Variants in GRM5 observed in about 807,000 individuals in gnomAD.
GRM5 encodes metabotropic glutamate receptor 5.
Under a neutral mutation model 83.1 loss-of-function variants are expected in GRM5, and 19 were observed. That is an observed-to-expected ratio of 0.23 (90% CI 0.16 to 0.34). The LOEUF is 0.34. GRM5 is among the 10% of genes least tolerant of loss of function. The pLI, the probability that GRM5 is intolerant of heterozygous loss-of-function variation, is 1.00. For missense variants in GRM5, 1,160 were observed against 1,588.3 expected, an observed-to-expected ratio of 0.73 and a Z score of 4.58; for synonymous variants, 675 against 633.6, an observed-to-expected ratio of 1.07 and a Z score of -0.98.
chr11:88,526,347 G>A (rs1941877497), intron 8 of GRM5, among the ~76,000 whole-genome samples: 1 of 152,096 alleles, frequency 6.6e-6, no homozygotes, highest in Non-Finnish European at 1.5e-5. Context: ...TCATTGGTTC[G>A]ATTCTGTAAG....
At chr11:88,996,758 C>T (rs1940197936) in intron 2 of GRM5, among the ~76,000 whole-genome samples, 1 of 152,116 alleles carries the variant, frequency 6.6e-6, no homozygotes, top group Non-Finnish European at 1.5e-5. Flanking sequence ...AGAAAACAAA[C>T]CACAACAAAC....
At chr11:88,924,684 T>C (rs957475064) in intron 2 of GRM5, among the ~76,000 whole-genome samples, 1 of 151,948 alleles carries the variant, frequency 6.6e-6, no homozygotes, top group Non-Finnish European at 1.5e-5. Flanking sequence ...AAGTCAAAAA[T>C]GTACAAACTT....
intron 8 of GRM5, among the ~76,000 whole-genome samples, chr11:88,549,237 G>T (rs1942449520): frequency 6.6e-6 from 1 of 152,090 alleles, no homozygotes; most frequent in Non-Finnish European, 1.5e-5. Flanking sequence ...ACCAGGGAGG[G>T]TGGATTTCTT....
intron 2 of GRM5, among the ~76,000 whole-genome samples, chr11:88,965,487 G>C (rs1379719616): frequency 2.0e-5 from 3 of 152,016 alleles, no homozygotes; most frequent in African/African-American, 7.2e-5. Context: ...ATATTAATTT[G>C]GGTTGACATA....
At chr11:88,893,230 A>G (rs1291669948) in intron 2 of GRM5, among the ~76,000 whole-genome samples, 1 of 151,978 alleles carries the variant, frequency 6.6e-6, no homozygotes, top group Admixed American at 6.6e-5. Flanking sequence ...TGGTAATGTC[A>G]CACCCTGGCT....
intron 3 of GRM5, among the ~76,000 whole-genome samples, chr11:88,777,646 A>T (rs555385322): frequency 8.6e-5 from 13 of 150,902 alleles, no homozygotes; most frequent in Non-Finnish European, 1.8e-4. Context: ...GTTGATGTTG[A>T]TGCTATTTCT....
At chr11:88,826,528 G>C (rs1430755514) in intron 3 of GRM5, among the ~76,000 whole-genome samples, 2 of 151,702 alleles carry the variant, frequency 1.3e-5, no homozygotes, top group East Asian at 3.9e-4. Context: ...AGGGCCAATG[G>C]ACCAGCATCT....
At chr11:88,887,856 TGCAAGC>T (rs1945072271) in intron 2 of GRM5, among the ~76,000 whole-genome samples, 2 of 152,088 alleles carry the variant, frequency 1.3e-5, no homozygotes, top group Non-Finnish European at 2.9e-5. Context: ...ACTAGATCCT[TGCAAGC>T]ACTGCAAAAT....
At chr11:88,642,635 G>A (rs1281281759) in intron 4 of GRM5, among the ~76,000 whole-genome samples, 1 of 152,104 alleles carries the variant, frequency 6.6e-6, no homozygotes, top group Non-Finnish European at 1.5e-5. Context: ...AAGCAGTGAG[G>A]CTACATCTTG....
chr11:88,581,664 C>T (rs1210562434), intron 7 of GRM5, among the ~76,000 whole-genome samples: 1 of 152,090 alleles, frequency 6.6e-6, no homozygotes, highest in African/African-American at 2.4e-5. Context: ...TGCTTAGAGA[C>T]CTGGGAATTC....
intron 2 of GRM5, among the ~76,000 whole-genome samples, chr11:88,850,399 G>A (rs1307260527): frequency 6.6e-6 from 1 of 152,130 alleles, no homozygotes. Context: ...AATATAAAAA[G>A]TGTAAGCAAT....
At chr11:88,950,330 TTAAGAGA>T (rs1401590190) in intron 2 of GRM5, among the ~76,000 whole-genome samples, 1 of 147,036 alleles carries the variant, frequency 6.8e-6, no homozygotes, top group East Asian at 2.0e-4. Flanking sequence ...ACAGAACCTA[TTAAGAGA>T]TATTTGTGAG....
At chr11:88,511,033 T>C (rs1016872570) in intron 9 of GRM5, among the ~76,000 whole-genome samples, 29 of 152,334 alleles carry the variant, frequency 1.9e-4, no homozygotes, top group African/African-American at 6.5e-4. Context: ...GTAAGACTCA[T>C]CTAGGGCATT....
intron 3 of GRM5, among the ~76,000 whole-genome samples, chr11:88,769,485 C>T (rs1435227335): frequency 6.6e-6 from 1 of 151,924 alleles, no homozygotes; most frequent in Non-Finnish European, 1.5e-5. Context: ...AGAAAGTAAC[C>T]AGTGTTGCTT....
chr11:88,818,774 A>C (rs1428162354), intron 3 of GRM5, among the ~76,000 whole-genome samples: 2 of 152,192 alleles, frequency 1.3e-5, no homozygotes, highest in Middle Eastern at 3.2e-3. Context: ...ATTCAATGAA[A>C]TCAGCAGAAG....
chr11:88,912,835 C>G (rs1225632785), intron 2 of GRM5, among the ~76,000 whole-genome samples: 4 of 152,114 alleles, frequency 2.6e-5, no homozygotes, highest in Non-Finnish European at 4.4e-5. Flanking sequence ...TCTTAAGACA[C>G]AGACTATTCT....
At chr11:88,576,143 T>G (rs1164042638) in intron 7 of GRM5, among the ~76,000 whole-genome samples, 1 of 152,190 alleles carries the variant, frequency 6.6e-6, no homozygotes, top group African/African-American at 2.4e-5. Flanking sequence ...TAAAGCGTGC[T>G]GACTGGAATA....
At chr11:88,696,233 C>T (rs1299898231) in intron 3 of GRM5, among the ~76,000 whole-genome samples, 4 of 152,076 alleles carry the variant, frequency 2.6e-5, no homozygotes, top group Admixed American at 6.6e-5. Flanking sequence ...GGTCTGCCAG[C>T]GTCTGCTGGT....
At chr11:88,993,491 A>G (rs1034280901) in intron 2 of GRM5, among the ~76,000 whole-genome samples, 4 of 152,108 alleles carry the variant, frequency 2.6e-5, no homozygotes, top group African/African-American at 9.7e-5. Context: ...TTTCTAAATT[A>G]TAGTAGCTTT....
Sources: gnomAD v4.1 joint callset for allele counts (sites outside exome capture counted in the v4.1 genomes callset) on GRCh38, gnomAD v4.1.1 for gene constraint, MANE v1.5 for transcripts, NCBI Gene and HGNC (gene_info 2026-07-23, HGNC 2026-07-21) for gene names.